The following EHMT1 variants were observed in gnomAD, a reference collection of about 807,000 sequenced individuals.
The protein encoded by EHMT1 is histone-lysine N-methyltransferase EHMT1.
Under a neutral mutation model 147.2 loss-of-function variants are expected in EHMT1, and 15 were observed. That is an observed-to-expected ratio of 0.10 (90% CI 0.07 to 0.16). The LOEUF (loss-of-function observed/expected upper bound fraction) is 0.16, where lower values mean the gene tolerates loss of function less well. Among genes scored for constraint, EHMT1 ranks in the 10% least tolerant of loss-of-function variants. The probability of loss-of-function intolerance (pLI) is 1.00; values close to 1 mark genes in which losing one functional copy is unlikely to be tolerated. For missense variants in EHMT1, 1,587 were observed against 1,772.4 expected (o/e 0.90, Z 1.88); for synonymous variants, 795 against 709.6 (o/e 1.12, Z -1.91).
chr9:137,720,996 T>C (rs1945895453), intron 3 of EHMT1, among the ~76,000 whole-genome samples: 1 of 152,018 alleles, frequency 6.6e-6, no homozygotes, highest in South Asian at 2.1e-4. Context: ...GTGGCCGCCT[T>C]TCTCCCCTCC....
At chr9:137,657,847 TCTA>T (rs932337915) in intron 1 of EHMT1, among the ~76,000 whole-genome samples, 3 of 140,070 alleles carry the variant, frequency 2.1e-5, no homozygotes, top group African/African-American at 8.8e-5. Context: ...AAACCATCCT[TCTA>T]CTTTTTTTTT....
chr9:137,799,857 G>A (rs901155981), intron 17 of EHMT1, among the ~76,000 whole-genome samples: 3 of 152,220 alleles, frequency 2.0e-5, no homozygotes, highest in African/African-American at 7.2e-5. Context: ...AGCCCCGCCT[G>A]GTCCCTGCAT....
Position 137,643,719 on chromosome 9 carries a change from C to T in EHMT1, c.21+24670C>T, listed in dbSNP as rs866447665. 2.0e-5 allele frequency among the ~76,000 whole-genome samples: 3 copies of T among 152,278 alleles called. No homozygotes were observed. In the South Asian group the frequency reaches 6.2e-4, roughly 32 times the overall value. On this transcript the variant is annotated intron_variant, in intron 1 of 26. Coordinates refer to ENST00000460843, the MANE Select transcript of EHMT1 (RefSeq NM_024757.5). Reference sequence around the variant, plus strand: ...CATGGTTTCTGATGAGGAACCATTGCTCATCTCTCAGGACCCTCGTTCATG... The same window carrying T: ...CATGGTTTCTGATGAGGAACCATTGTTCATCTCTCAGGACCCTCGTTCATG...
intron 25 of EHMT1, 166 bp from the exon 26 acceptor site, chr9:137,834,183 G>A (rs1456708052): frequency 1.3e-5 from 11 of 876,044 alleles, no homozygotes; most frequent in Admixed American, 2.5e-5. Flanking sequence ...GAGAAGGCTG[G>A]CGGAGGCTCC....
At position 137,787,876 on chromosome 9, in the gene EHMT1, G is replaced by C. The variant is rs936817165; in HGVS notation, c.2383-2972G>C. The C allele has an allele frequency of 1.6e-6, 2 of 1,234,458 alleles. No homozygotes were observed. Among genetic ancestry groups the C allele is most frequent in the Non-Finnish European group, 2.4e-6 (2 of 837,914 alleles). The allele number at this position is 1,234,458 out of a possible 1,614,324, so 76.5% of individuals were successfully genotyped here. Reference sequence around the variant, plus strand: ...CATTGGGGATAGGAGGTGGGTGGGGGTGCCAAGGGCATTACCACATTGGGA... The same window carrying C: ...CATTGGGGATAGGAGGTGGGTGGGGCTGCCAAGGGCATTACCACATTGGGA... On this transcript the variant is annotated intron_variant, in intron 15 of 26. Transcript: ENST00000460843. The surrounding 1 kb of genome is among the most constrained non-coding windows in gnomAD (Gnocchi z 4.2).
chr9:137,666,130 G>A (rs1192626872), intron 1 of EHMT1: 1 of 152,312 alleles, frequency 6.6e-6, no homozygotes, highest in African/African-American at 2.4e-5. Flanking sequence ...TGCAGAGCAG[G>A]GACGCTTGCT....
chr9:137,720,716 G>A (rs890397052), intron 3 of EHMT1, among the ~76,000 whole-genome samples: 21 of 152,154 alleles, frequency 1.4e-4, no homozygotes, highest in African/African-American at 4.1e-4. Context: ...AGCCCGTCCC[G>A]TTCTCTGCTG....
chr9:137,830,585 C>T (rs940663046), intron 25 of EHMT1, among the ~76,000 whole-genome samples: 3 of 152,022 alleles, frequency 2.0e-5, no homozygotes, highest in African/African-American at 7.3e-5. Flanking sequence ...CAGATATTAC[C>T]GATAACAGTA....
chr9:137,676,607 G>A (rs1357226306), intron 1 of EHMT1: 1 of 152,436 alleles, frequency 6.6e-6, no homozygotes, highest in Non-Finnish European at 1.5e-5. Flanking sequence ...AGGAGTCCCC[G>A]GAGAATCTCC....
chr9:137,658,190 A>C (rs889025993), intron 1 of EHMT1, among the ~76,000 whole-genome samples: 2 of 151,872 alleles, frequency 1.3e-5, no homozygotes, highest in Non-Finnish European at 2.9e-5. Context: ...TCACTTTGTC[A>C]CCCAGGCTGG....
At chr9:137,834,097 C>T (rs991832757) in intron 25 of EHMT1, 13 of 581,446 alleles carry the variant, frequency 2.2e-5, no homozygotes, top group East Asian at 1.8e-4. Flanking sequence ...GGGAACGGCC[C>T]GCACCACCCC....
At chr9:137,789,392 C>T (rs1952318678) in intron 15 of EHMT1, among the ~76,000 whole-genome samples, 1 of 152,256 alleles carries the variant, frequency 6.6e-6, no homozygotes, top group African/African-American at 2.4e-5. Context: ...GGGGGAGCAG[C>T]CTCTGTGTGC....
At chr9:137,723,807 C>T (rs1257229245) in intron 3 of EHMT1, among the ~76,000 whole-genome samples, 1 of 152,216 alleles carries the variant, frequency 6.6e-6, no homozygotes, top group Non-Finnish European at 1.5e-5. Flanking sequence ...CCAATATTCT[C>T]ATAAAAGTTT....
chr9:137,819,769 G>A (rs1353450185), intron 25 of EHMT1, among the ~76,000 whole-genome samples: 4 of 151,918 alleles, frequency 2.6e-5, no homozygotes, highest in East Asian at 1.9e-4. Context: ...CAACAGACAC[G>A]TCCCTTGTGT....
intron 1 of EHMT1, among the ~76,000 whole-genome samples, chr9:137,630,639 A>T (rs1843567263): frequency 6.6e-6 from 1 of 152,170 alleles, no homozygotes; most frequent in Admixed American, 6.5e-5. Flanking sequence ...AATTGGTGGT[A>T]ATCAGTGATT....
chr9:137,660,300 C>T (rs1418364020), intron 1 of EHMT1, among the ~76,000 whole-genome samples: 1 of 152,018 alleles, frequency 6.6e-6, no homozygotes, highest in African/African-American at 2.4e-5. Flanking sequence ...TGCACCACTG[C>T]CCTCTAGCCT....
chr9:137,811,345 GC>G, intron 18 of EHMT1, 115 bp from the exon 19 acceptor site: 1 of 1,469,990 alleles, frequency 6.8e-7, no homozygotes, highest in Non-Finnish European at 9.4e-7. Context: ...GCTGCGGACG[GC>G]CACGCATGCT....
chr9:137,781,433 G>A (rs1282772383), intron 14 of EHMT1, among the ~76,000 whole-genome samples: 2 of 152,116 alleles, frequency 1.3e-5, no homozygotes, highest in African/African-American at 2.4e-5. Context: ...GTGTGGTGAT[G>A]ACGCTGGGAT....
At chr9:137,636,087 A>T (rs1844053672) in intron 1 of EHMT1, among the ~76,000 whole-genome samples, 1 of 151,370 alleles carries the variant, frequency 6.6e-6, no homozygotes, top group Non-Finnish European at 1.5e-5. Context: ...ACGCCTTGCT[A>T]ATTTTTGTAT....
Sources: allele counts gnomAD v4.1 joint callset (sites outside exome capture counted in the v4.1 genomes callset), GRCh38; gene constraint gnomAD v4.1.1; non-coding constraint Gnocchi (gnomAD v3.1); transcripts MANE v1.5; gene names NCBI Gene and HGNC (gene_info 2026-07-23, HGNC 2026-07-21).